Variants in ZNF385B observed in about 807,000 individuals in gnomAD.
ZNF385B encodes the protein zinc finger protein 533.
ZNF385B carries 23 observed loss-of-function variants against 39.2 expected under a neutral mutation model. That is an observed-to-expected ratio of 0.59 (90% CI 0.42 to 0.83). The LOEUF (loss-of-function observed/expected upper bound fraction) is 0.83, where lower values mean the gene tolerates loss of function less well. ZNF385B is among the 40% of genes least tolerant of loss of function. The pLI is 0.00. For missense variants in ZNF385B, 552 were observed against 598.9 expected (o/e 0.92, Z 0.82); for synonymous variants, 205 against 222.6 (o/e 0.92, Z 0.70).
chr2:179,473,634 A>T (rs757446708), intron 6 of ZNF385B, among the ~76,000 whole-genome samples: 14 of 152,110 alleles, frequency 9.2e-5, no homozygotes, highest in Non-Finnish European at 1.9e-4. Context: ...TCAACCCATC[A>T]TCTACATTAG....
At chr2:179,557,937 T>G (rs1200050971) in intron 3 of ZNF385B, among the ~76,000 whole-genome samples, 1 of 152,028 alleles carries the variant, frequency 6.6e-6, no homozygotes, top group Non-Finnish European at 1.5e-5. Flanking sequence ...ATATTCCCTA[T>G]GGGGAAAAAA....
chr2:179,445,747 C>A lies in ZNF385B; in HGVS notation c.962-19G>T. ...TTAGATCCTAAGACAGAAAGAGACA[C>A]ATATTAAATAGCTATCCAAGAATTA... On this transcript the variant is annotated intron_variant, in intron 7 of 9. Transcript: ENST00000410066. 6.4e-7 allele frequency: 1 copy of A among 1,573,374 alleles called. No homozygotes were observed. Among genetic ancestry groups the A allele is most frequent in the Non-Finnish European group, 8.6e-7 (1 of 1,164,248 alleles).
chr2:179,702,022 A>G (rs1449654500), intron 3 of ZNF385B, among the ~76,000 whole-genome samples: 2 of 152,166 alleles, frequency 1.3e-5, no homozygotes, highest in Non-Finnish European at 2.9e-5. Context: ...GCCCAAAGAG[A>G]CCAGATTGCT....
At chr2:179,569,204 G>C (rs1684933534) in intron 3 of ZNF385B, among the ~76,000 whole-genome samples, 1 of 152,144 alleles carries the variant, frequency 6.6e-6, no homozygotes, top group Non-Finnish European at 1.5e-5. Flanking sequence ...TGGCTCTAGA[G>C]TCCATACTTT....
In ZNF385B at chr2:179,840,142, T is replaced by C. The variant is rs574307133; in HGVS notation, c.-155+20959A>G. On this transcript the variant is annotated intron_variant, in intron 1 of 9. Transcript: ENST00000410066. ...CTATGATTAGGTCACATTACAGATA[T>C]ATTTATAATGCATATGGAATCAAGG... is the stretch of plus-strand genomic sequence containing the variant. 3.9e-5 allele frequency among the ~76,000 whole-genome samples: 6 copies of C among 152,288 alleles called. No homozygotes were observed. The East Asian group carries it at 1.2e-3, about 29-fold the overall frequency.
intron 3 of ZNF385B, among the ~76,000 whole-genome samples, chr2:179,597,173 C>T (rs1383662155): frequency 1.3e-5 from 2 of 152,216 alleles, no homozygotes; most frequent in African/African-American, 4.8e-5. Context: ...CAGCCTCTAT[C>T]CACTTTCTGA....
intron 3 of ZNF385B, among the ~76,000 whole-genome samples, chr2:179,640,642 G>A (rs1044585288): frequency 1.8e-4 from 28 of 152,034 alleles, no homozygotes; most frequent in African/African-American, 6.8e-4. Flanking sequence ...AATTCAATTT[G>A]AAAATGATGA....
chr2:179,528,566 T>C (rs1344594258), intron 4 of ZNF385B, among the ~76,000 whole-genome samples: 2 of 152,226 alleles, frequency 1.3e-5, no homozygotes, highest in South Asian at 2.1e-4. Flanking sequence ...AGTTACCAAA[T>C]GGTAAAAGTA....
At chr2:179,620,135 CTT>C (rs1690087756) in intron 3 of ZNF385B, among the ~76,000 whole-genome samples, 1 of 152,142 alleles carries the variant, frequency 6.6e-6, no homozygotes, top group Non-Finnish European at 1.5e-5. Flanking sequence ...TTCTTTGTCT[CTT>C]GAGTGATTAG....
intron 3 of ZNF385B, among the ~76,000 whole-genome samples, chr2:179,718,440 C>A (rs2106399663): frequency 6.8e-6 from 1 of 147,498 alleles, no homozygotes; most frequent in South Asian, 2.1e-4. Context: ...TTTCTTCCAG[C>A]ATATTCCTTA....
intron 4 of ZNF385B, 59 bp from the exon 5 acceptor site, chr2:179,518,697 A>G: frequency 9.9e-7 from 1 of 1,006,720 alleles, no homozygotes; most frequent in Non-Finnish European, 1.5e-6. Context: ...CAACAGTGTG[A>G]GCAAATAACA....
chr2:179,663,021 A>G (rs972851397), intron 3 of ZNF385B, among the ~76,000 whole-genome samples: 1 of 152,192 alleles, frequency 6.6e-6, no homozygotes, highest in Non-Finnish European at 1.5e-5. Flanking sequence ...TGAGAGAGAA[A>G]TAACAAGGTA....
At chr2:179,516,763 A>G (rs943813607) in intron 5 of ZNF385B, among the ~76,000 whole-genome samples, 1 of 152,104 alleles carries the variant, frequency 6.6e-6, no homozygotes, top group Non-Finnish European at 1.5e-5. Context: ...AAATTTTGAT[A>G]AAGTCCAATA....
chr2:179,510,416 C>CAT lies in ZNF385B; in HGVS notation c.552+8110_552+8111dup, dbSNP rs1264746997. Among the ~76,000 whole-genome samples the CAT allele has an allele frequency of 3.3e-5, 5 of 151,218 alleles. No individual in the cohort carries two copies. The South Asian group carries it at 6.3e-4, about 19-fold the overall frequency. On this transcript the variant is annotated intron_variant, in intron 5 of 9. Coordinates refer to ENST00000410066, the MANE Select transcript of ZNF385B (RefSeq NM_152520.6). The stretch of plus-strand genomic sequence containing the variant: ...GTGAATGTTTATATATGTGAATATA[C>CAT]ATATATATATAGGTGAATGTATAAT...
At chr2:179,841,962 T>G (rs913261182) in intron 1 of ZNF385B, among the ~76,000 whole-genome samples, 1 of 152,134 alleles carries the variant, frequency 6.6e-6, no homozygotes, top group Non-Finnish European at 1.5e-5. Flanking sequence ...GCTAAATTAC[T>G]TAAGAACACA....
At chr2:179,611,968 C>T (rs1689325831) in intron 3 of ZNF385B, among the ~76,000 whole-genome samples, 1 of 152,042 alleles carries the variant, frequency 6.6e-6, no homozygotes, top group African/African-American at 2.4e-5. Flanking sequence ...CCACCTCCTA[C>T]TTCTTCTCCT....
chr2:179,622,124 C>T (rs1374904714), intron 3 of ZNF385B, among the ~76,000 whole-genome samples: 1 of 152,058 alleles, frequency 6.6e-6, no homozygotes, highest in Non-Finnish European at 1.5e-5. Flanking sequence ...ACAAAATATA[C>T]TCAAATAAAA....
At chr2:179,807,589 C>T (rs932240907) in intron 1 of ZNF385B, among the ~76,000 whole-genome samples, 10 of 150,026 alleles carry the variant, frequency 6.7e-5, no homozygotes, top group African/African-American at 2.0e-4. Context: ...TCCCCTCCCC[C>T]GCCCCTCAAA....
intron 6 of ZNF385B, among the ~76,000 whole-genome samples, chr2:179,447,304 T>C (rs2049598740): frequency 6.6e-6 from 1 of 152,210 alleles, no homozygotes; most frequent in South Asian, 2.1e-4. Flanking sequence ...TGCTGCTCTG[T>C]GGATGGCAAT....
Sources: gnomAD v4.1 joint callset for allele counts (sites outside exome capture counted in the v4.1 genomes callset) on GRCh38, gnomAD v4.1.1 for gene constraint, MANE v1.5 for transcripts, NCBI Gene and HGNC (gene_info 2026-07-23, HGNC 2026-07-21) for gene names.